Variants in PRKD1 observed in about 807,000 individuals in gnomAD.
The protein encoded by PRKD1 is protein kinase D1, also known as serine/threonine-protein kinase D1.
In PRKD1, 63 loss-of-function variants were observed where a neutral mutation model predicts 95.9. That is an observed-to-expected ratio of 0.66 (90% CI 0.54 to 0.81). The LOEUF (loss-of-function observed/expected upper bound fraction) is 0.81, where lower values mean the gene tolerates loss of function less well. Ranked by LOEUF, PRKD1 falls within the 30% of genes least tolerant of loss-of-function variation. The pLI is 0.00. For missense variants in PRKD1, 1,048 were observed against 1,165.3 expected (o/e 0.90, Z 1.47); for synonymous variants, 425 against 423.1 (o/e 1.00, Z -0.05).
At chr14:29,600,946 T>C (rs896704472) in intron 13 of PRKD1, among the ~76,000 whole-genome samples, 1 of 151,942 alleles carries the variant, frequency 6.6e-6, no homozygotes, top group African/African-American at 2.4e-5. Context: ...ATTCCACTTA[T>C]ATCCCAATGA....
At chr14:29,908,077 A>G (rs1894555360) in intron 1 of PRKD1, among the ~76,000 whole-genome samples, 1 of 151,778 alleles carries the variant, frequency 6.6e-6, no homozygotes, top group Non-Finnish European at 1.5e-5. Flanking sequence ...TGGTTATTGA[A>G]TCTAACAGTT....
intron 1 of PRKD1, among the ~76,000 whole-genome samples, chr14:29,754,364 T>A (rs1430129379): frequency 6.6e-6 from 1 of 152,202 alleles, no homozygotes; most frequent in Non-Finnish European, 1.5e-5. Context: ...CAATTATGTA[T>A]TTTATAATTT....
chr14:29,789,717 T>C (rs1889447922), intron 1 of PRKD1, among the ~76,000 whole-genome samples: 1 of 152,084 alleles, frequency 6.6e-6, no homozygotes, highest in Admixed American at 6.5e-5. Context: ...ACACCATGCA[T>C]GTATATCAGT....
At chr14:29,751,443 CA>C (rs1887476075) in intron 1 of PRKD1, among the ~76,000 whole-genome samples, 1 of 152,048 alleles carries the variant, frequency 6.6e-6, no homozygotes, top group Non-Finnish European at 1.5e-5. Context: ...AGCCTTTATT[CA>C]GAGTTTTATA....
chr14:29,797,887 C>T (rs1414217142), intron 1 of PRKD1, among the ~76,000 whole-genome samples: 2 of 152,130 alleles, frequency 1.3e-5, no homozygotes, highest in Non-Finnish European at 2.9e-5. Flanking sequence ...TACCAACATC[C>T]TGGTGAAATA....
Position 29,774,123 on chromosome 14 carries a change from C to T in PRKD1, c.265-48449G>A, listed in dbSNP as rs191603769. 1.6e-3 allele frequency among the ~76,000 whole-genome samples: 243 copies of T among 152,160 alleles called. 2 individuals are homozygous for T. The highest frequency in any genetic ancestry group is 3.9e-3 in the Admixed American group (60 of 15,288). The stretch of plus-strand genomic sequence containing the variant: ...TGGATAAGCTCATGGGAGAATCAAC[C>T]GCAAAAACAAACACCTTCTCTGCAC... On this transcript the variant is annotated intron_variant, in intron 1 of 17. Coordinates refer to ENST00000331968, the MANE Select transcript of PRKD1 (RefSeq NM_002742.3).
intron 2 of PRKD1, among the ~76,000 whole-genome samples, chr14:29,725,286 C>T (rs932645108): frequency 4.6e-5 from 7 of 152,110 alleles, no homozygotes; most frequent in African/African-American, 1.7e-4. Context: ...CTGTATGTTG[C>T]TAGAGGCTGA....
At chr14:29,678,298 A>G (rs1223172129) in intron 2 of PRKD1, among the ~76,000 whole-genome samples, 1 of 152,158 alleles carries the variant, frequency 6.6e-6, no homozygotes, top group East Asian at 1.9e-4. Flanking sequence ...TAATGTCTCT[A>G]CATCTTGGTA....
intron 2 of PRKD1, among the ~76,000 whole-genome samples, chr14:29,723,642 G>A (rs1348130765): frequency 1.3e-5 from 2 of 149,854 alleles, no homozygotes; most frequent in East Asian, 2.0e-4. Context: ...ATAGGTAAGC[G>A]CAGGAGATCT....
intron 1 of PRKD1, among the ~76,000 whole-genome samples, chr14:29,912,212 C>T (rs537544794): frequency 6.6e-6 from 1 of 152,178 alleles, no homozygotes; most frequent in Non-Finnish European, 1.5e-5. Context: ...CCCATTTGAC[C>T]TATAAGGTAA....
chr14:29,614,211 AT>A (rs1878688575), intron 13 of PRKD1, among the ~76,000 whole-genome samples: 1 of 152,224 alleles, frequency 6.6e-6, no homozygotes, highest in Admixed American at 6.5e-5. Context: ...AAAATTTGAA[AT>A]ACTGTGTTGG....
intron 1 of PRKD1, chr14:29,811,783 T>C (rs1170802247): frequency 6.6e-6 from 1 of 152,068 alleles, no homozygotes; most frequent in African/African-American, 2.4e-5. Flanking sequence ...CCACCAGACT[T>C]CACTTATAAA....
intron 16 of PRKD1, among the ~76,000 whole-genome samples, chr14:29,580,701 C>A (rs908503230): frequency 6.6e-6 from 1 of 152,052 alleles, no homozygotes; most frequent in Non-Finnish European, 1.5e-5. Flanking sequence ...ATCCAAAATG[C>A]GTTTTACTAA....
chr14:29,721,812 A>AT (rs1183679862), intron 2 of PRKD1, among the ~76,000 whole-genome samples: 15 of 151,946 alleles, frequency 9.9e-5, no homozygotes, highest in South Asian at 2.1e-4. Context: ...TGCAGTTGTT[A>AT]TTTTTTTCCT....
intron 1 of PRKD1, among the ~76,000 whole-genome samples, chr14:29,735,000 C>A (rs960378956): frequency 6.6e-6 from 1 of 152,102 alleles, no homozygotes; most frequent in Non-Finnish European, 1.5e-5. Context: ...TCTGAGGGAT[C>A]ACGTTACTGC....
chr14:29,805,236 T>C (rs1157352137), intron 1 of PRKD1, among the ~76,000 whole-genome samples: 1 of 152,144 alleles, frequency 6.6e-6, no homozygotes, highest in Non-Finnish European at 1.5e-5. Flanking sequence ...CTCCATTAGA[T>C]TGGTCGGGGG....
intron 13 of PRKD1, among the ~76,000 whole-genome samples, chr14:29,608,084 C>G (rs1042877421): frequency 1.3e-5 from 2 of 152,036 alleles, no homozygotes; most frequent in Non-Finnish European, 2.9e-5. Flanking sequence ...GTAAAGTGAA[C>G]GCTATAAAGA....
chr14:29,635,367 C>T (rs1375768664), intron 7 of PRKD1, among the ~76,000 whole-genome samples: 3 of 152,008 alleles, frequency 2.0e-5, no homozygotes, highest in Non-Finnish European at 2.9e-5. Flanking sequence ...TAATTCCCAC[C>T]ACTGCCCCCC....
intron 1 of PRKD1, among the ~76,000 whole-genome samples, chr14:29,804,796 G>T (rs958668332): frequency 1.3e-5 from 2 of 152,112 alleles, no homozygotes; most frequent in African/African-American, 2.4e-5. Flanking sequence ...TCAGATCAAT[G>T]AGGTGTTTTT....
Sources: gnomAD v4.1 joint callset for allele counts (sites outside exome capture counted in the v4.1 genomes callset) on GRCh38, gnomAD v4.1.1 for gene constraint, MANE v1.5 for transcripts, NCBI Gene and HGNC (gene_info 2026-07-23, HGNC 2026-07-21) for gene names.